NEDD4L: variants seen among roughly 807,000 people sequenced by gnomAD.
NEDD4L encodes the protein NEDD4 like E3 ubiquitin protein ligase.
In NEDD4L, 54 loss-of-function variants were observed where a neutral mutation model predicts 148.9. The observed-to-expected ratio is 0.36, with a 90% confidence interval of 0.29 to 0.45. NEDD4L has a LOEUF of 0.45. NEDD4L is among the 20% of genes least tolerant of loss of function. The pLI is 1.00. For synonymous variants in NEDD4L, 433 were observed against 440.7 expected (o/e 0.98, Z 0.22); for missense variants, 856 against 1,233.8 (o/e 0.69, Z 4.59).
intron 1 of NEDD4L, among the ~76,000 whole-genome samples, chr18:58,147,841 T>C (rs1197271850): frequency 6.6e-6 from 1 of 152,166 alleles, no homozygotes; most frequent in African/African-American, 2.4e-5. Context: ...TGCCTTTTCT[T>C]CTCTGCCAGC....
At chr18:58,065,476 A>AAT (rs749131872) in intron 1 of NEDD4L, among the ~76,000 whole-genome samples, 55 of 152,220 alleles carry the variant, frequency 3.6e-4, no homozygotes, top group Non-Finnish European at 7.3e-4. Context: ...TGCCTTTAAA[A>AAT]ATTTCTTTTT....
chr18:58,088,053 A>G (rs981986563), intron 1 of NEDD4L, among the ~76,000 whole-genome samples: 2 of 152,210 alleles, frequency 1.3e-5, no homozygotes, highest in Non-Finnish European at 2.9e-5. Context: ...CCTCACTCAC[A>G]TACCTGGCAA....
At chr18:58,207,205 A>G (rs1359212840) in intron 2 of NEDD4L, among the ~76,000 whole-genome samples, 1 of 152,250 alleles carries the variant, frequency 6.6e-6, no homozygotes, top group Non-Finnish European at 1.5e-5. Flanking sequence ...GTAGCTGTAT[A>G]TCACGGAACT....
chr18:58,328,308 T>C (rs929843587), intron 9 of NEDD4L, among the ~76,000 whole-genome samples: 27 of 152,302 alleles, frequency 1.8e-4, no homozygotes, highest in African/African-American at 6.5e-4. Flanking sequence ...AGATCCTGAA[T>C]TGAGAACATC....
At chr18:58,237,024 A>AAATAATAAT (rs74175853) in intron 2 of NEDD4L, among the ~76,000 whole-genome samples, 15 of 150,366 alleles carry the variant, frequency 1.0e-4, no homozygotes, top group South Asian at 6.3e-4. Flanking sequence ...ACTCCATCTC[A>AAATAATAAT]AATAATAATA....
At chr18:58,344,352 G>A (rs550629594) in intron 16 of NEDD4L, among the ~76,000 whole-genome samples, 2 of 152,200 alleles carry the variant, frequency 1.3e-5, no homozygotes, top group South Asian at 2.1e-4. Flanking sequence ...TGGCATTTGG[G>A]GCAGGGACAT....
At chr18:58,104,001 A>G (rs2084923207) in intron 1 of NEDD4L, among the ~76,000 whole-genome samples, 1 of 152,268 alleles carries the variant, frequency 6.6e-6, no homozygotes, top group South Asian at 2.1e-4. Flanking sequence ...TACGGCTCCT[A>G]GCAGCACTGT....
intron 1 of NEDD4L, among the ~76,000 whole-genome samples, chr18:58,067,522 T>A (rs1435322549): frequency 1.3e-5 from 2 of 152,016 alleles, no homozygotes; most frequent in African/African-American, 4.8e-5. Flanking sequence ...GAGGAGGTGG[T>A]GTGGGGGGCC....
At position 58,047,582 on chromosome 18, in the gene NEDD4L, C is replaced by T. The variant is rs76343836; in HGVS notation, c.48+2874C>T. On this transcript the variant is annotated intron_variant, in intron 1 of 30. Coordinates refer to ENST00000400345, the MANE Select transcript of NEDD4L (RefSeq NM_001144967.3). ...TTTAATTTTTTCTGTGTGTTTCGGG[C>T]GGAGGTTTCTCTGGTGAGTTATAAT... The T allele has an allele frequency of 1.9e-4, 162 of 866,186 alleles. 2 individuals carry two copies. The East Asian group carries it at 0.016, about 87-fold the overall frequency. 53.7% of individuals were successfully genotyped at this position (866,186 alleles called of 1,614,324 possible).
intron 1 of NEDD4L, among the ~76,000 whole-genome samples, chr18:58,145,771 T>G (rs755434210): frequency 6.6e-6 from 1 of 152,226 alleles, no homozygotes; most frequent in Non-Finnish European, 1.5e-5. Context: ...TTTGCCTAAT[T>G]GTGCTCTAGA....
intron 1 of NEDD4L, among the ~76,000 whole-genome samples, chr18:58,063,773 C>T (rs993001704): frequency 2.7e-5 from 4 of 150,906 alleles, no homozygotes; most frequent in African/African-American, 9.7e-5. Context: ...ACCATATTGT[C>T]TCGAACTCCT....
At chr18:58,378,411 G>A (rs9319927) in intron 24 of NEDD4L, among the ~76,000 whole-genome samples, 44,354 of 152,112 alleles carry the variant, frequency 0.29, 6,867 homozygotes, top group African/African-American at 0.38. Flanking sequence ...GGTCAATGAG[G>A]GAGAGGGCAG....
At chr18:58,250,857 A>G (rs1756120596) in intron 4 of NEDD4L, among the ~76,000 whole-genome samples, 2 of 152,146 alleles carry the variant, frequency 1.3e-5, no homozygotes, top group South Asian at 4.2e-4. Flanking sequence ...ATGTAGCTCT[A>G]TGTCACACAT....
At chr18:58,120,951 A>T (rs888044558) in intron 1 of NEDD4L, among the ~76,000 whole-genome samples, 1 of 151,710 alleles carries the variant, frequency 6.6e-6, no homozygotes, top group Admixed American at 6.6e-5. Context: ...TAATTTGAAG[A>T]TATGGACTTA....
At chr18:58,346,775 C>A (rs748284035) in intron 16 of NEDD4L, among the ~76,000 whole-genome samples, 169 of 152,304 alleles carry the variant, frequency 1.1e-3, no homozygotes, top group Admixed American at 1.6e-3. Context: ...AAGAAACAAC[C>A]AGGCACACTT....
intron 2 of NEDD4L, among the ~76,000 whole-genome samples, chr18:58,224,119 T>C (rs1366793137): frequency 2.0e-5 from 3 of 152,208 alleles, no homozygotes; most frequent in Non-Finnish European, 2.9e-5. Flanking sequence ...GTAGAATACA[T>C]GGAAAACGCA....
intron 2 of NEDD4L, among the ~76,000 whole-genome samples, chr18:58,179,559 C>T (rs1005274487): frequency 1.3e-5 from 2 of 152,152 alleles, no homozygotes; most frequent in Non-Finnish European, 2.9e-5. Flanking sequence ...AAAACTTCCT[C>T]TATTTACAGC....
At chr18:58,276,212 T>TTTGGGGGGGG (rs1555782967) in intron 5 of NEDD4L, among the ~76,000 whole-genome samples, 1 of 103,448 alleles carries the variant, frequency 9.7e-6, no homozygotes, top group African/African-American at 3.6e-5. Flanking sequence ...TTTTTTTTTT[T>TTTGGGGGGGG]GGGTGGGGAG....
intron 2 of NEDD4L, among the ~76,000 whole-genome samples, chr18:58,219,466 G>A (rs546964046): frequency 2.0e-5 from 3 of 152,320 alleles, no homozygotes; most frequent in South Asian, 2.1e-4. Flanking sequence ...TGCCAGGGCG[G>A]TCGTAACAAA....
Sources: allele counts gnomAD v4.1 joint callset (sites outside exome capture counted in the v4.1 genomes callset), GRCh38; gene constraint gnomAD v4.1.1; transcripts MANE v1.5; gene names NCBI Gene and HGNC (gene_info 2026-07-23, HGNC 2026-07-21).